The following SELP variants were observed in gnomAD, a reference collection of about 807,000 sequenced individuals.
SELP encodes selectin P.
Under a neutral mutation model 104.1 loss-of-function variants are expected in SELP, and 92 were observed. That is an observed-to-expected ratio of 0.88 (90% CI 0.75 to 1.05). The LOEUF (loss-of-function observed/expected upper bound fraction) is 1.05, where lower values mean the gene tolerates loss of function less well. SELP is among the 50% of genes least tolerant of loss of function. The probability of loss-of-function intolerance (pLI) is 0.00; values close to 1 mark genes in which losing one functional copy is unlikely to be tolerated. For synonymous variants in SELP, 397 were observed against 364.5 expected (o/e 1.09, Z -1.01); for missense variants, 1,022 against 1,017.3 (o/e 1.00, Z -0.06).
chr1:169,595,141 A>G (rs1028186919), intron 12 of SELP, among the ~76,000 whole-genome samples: 1 of 152,212 alleles, frequency 6.6e-6, no homozygotes, highest in African/African-American at 2.4e-5. Context: ...GCATTGATAA[A>G]TCTTGCCTCC....
At position 169,593,656 on chromosome 1, in the gene SELP, T is replaced by C. The variant is rs369185526; in HGVS notation, c.2356A>G (p.Ile786Val). The C allele has an allele frequency of 6.2e-7, 1 of 1,613,554 alleles. No homozygotes were observed. The change falls in exon 14 of 17, where the codon ATA becomes GTA. Residue 786 changes from isoleucine to valine, a missense_variant. Transcript: ENST00000263686. ...GGAVASTIGL[I>V]MGGTLLALLR... ...AAAGCCAGGAGCGTCCCACCCATTATCAGACCTATCGTAGAAGCCACCGCT... is the reference window on the plus strand; with the variant it reads ...AAAGCCAGGAGCGTCCCACCCATTACCAGACCTATCGTAGAAGCCACCGCT...
intron 14 of SELP, 62 bp downstream of exon 14, chr1:169,593,543 A>G: frequency 1.1e-5 from 17 of 1,517,764 alleles, no homozygotes; most frequent in Non-Finnish European, 1.5e-5. Context: ...CCTAAATTAC[A>G]TAAATCAATT....
intron 12 of SELP, 61 bp from the exon 13 acceptor site, chr1:169,594,938 G>A: frequency 6.9e-7 from 1 of 1,459,474 alleles, no homozygotes; most frequent in African/African-American, 1.4e-5. Flanking sequence ...AGAGATTATA[G>A]TTTCTTTTGT....
At chr1:169,628,996 G>A (rs1313001052) in intron 1 of SELP, among the ~76,000 whole-genome samples, 1 of 152,116 alleles carries the variant, frequency 6.6e-6, no homozygotes, top group Non-Finnish European at 1.5e-5. Flanking sequence ...AGGTGTATGC[G>A]GTACTTTTTT....
At chr1:169,616,906 AC>A (rs1282959214) in intron 3 of SELP, 121 bp downstream of exon 3, 1 of 1,035,622 alleles carries the variant, frequency 9.7e-7, no homozygotes, top group East Asian at 2.4e-5. Context: ...CTAACAATTT[AC>A]CCCTTGATTT....
chr1:169,630,028 C>G (rs1379883669), intron 1 of SELP, 44 bp downstream of exon 1: 1 of 1,613,874 alleles, frequency 6.2e-7, no homozygotes. Flanking sequence ...CATACCACTC[C>G]AACTCACTTC....
chr1:169,593,981 G>A (rs1025068467), intron 13 of SELP, among the ~76,000 whole-genome samples: 16 of 152,214 alleles, frequency 1.1e-4, no homozygotes, highest in Middle Eastern at 3.4e-3. Context: ...ATCAGGGTGA[G>A]GACCCAATAA....
intron 3 of SELP, among the ~76,000 whole-genome samples, chr1:169,616,302 T>TA (rs1298215992): frequency 6.6e-6 from 1 of 152,180 alleles, no homozygotes; most frequent in Non-Finnish European, 1.5e-5. Flanking sequence ...AATTGTCTCA[T>TA]AAAAATGTAG....
chr1:169,626,895 C>T (rs1414248918), intron 1 of SELP, among the ~76,000 whole-genome samples: 4 of 152,146 alleles, frequency 2.6e-5, no homozygotes, highest in Non-Finnish European at 5.9e-5. Context: ...CTATATTGCC[C>T]AGGCTGGCCT....
intron 1 of SELP, 106 bp downstream of exon 1, chr1:169,629,966 A>G (rs1557979978): frequency 7.0e-7 from 1 of 1,432,256 alleles, no homozygotes; most frequent in Middle Eastern, 1.7e-4. Flanking sequence ...ATAAAACTCC[A>G]TGGCTATCGC....
At chr1:169,600,772 G>T (rs570798417) in intron 10 of SELP, among the ~76,000 whole-genome samples, 33 of 152,304 alleles carry the variant, frequency 2.2e-4, no homozygotes, top group African/African-American at 7.9e-4. Context: ...AAAATAAGAG[G>T]AACCATTTGC....
chr1:169,603,854 T>C (rs1330985087), intron 9 of SELP, among the ~76,000 whole-genome samples: 1 of 152,238 alleles, frequency 6.6e-6, no homozygotes, highest in African/African-American at 2.4e-5. Context: ...CCATCATTGT[T>C]GGACATTTGG....
chr1:169,623,329 A>G (rs573797480), intron 1 of SELP, among the ~76,000 whole-genome samples: 26 of 151,782 alleles, frequency 1.7e-4, no homozygotes, highest in Admixed American at 1.6e-3. Context: ...GTGTAGGGCG[A>G]AGGAGTCGGT....
Position 169,619,142 on chromosome 1 carries a change from A to G in SELP, c.81T>C (p.Ser27=). The part of the protein sequence containing the change: ...VFGISQLLCF[S]ALISELTNQK... ...CATAAAGTTTACCAGAGATCAGGGC[A>G]CTGAAGCAAAGGAGTTGGGAAATTC... The change falls in exon 2 of 17, where the codon AGT becomes AGC. Residue 27 remains serine (S), a synonymous_variant. Coordinates refer to ENST00000263686, the MANE Select transcript of SELP (RefSeq NM_003005.4). 1 of 1,613,500 alleles carries G rather than the reference A, an allele frequency of 6.2e-7. No individual in the cohort carries two copies. The highest frequency in any genetic ancestry group is 8.5e-7 in the Non-Finnish European group (1 of 1,179,434).
At chr1:169,590,272 G>C in intron 15 of SELP, 70 bp from the exon 16 acceptor site, 3 of 1,135,930 alleles carry the variant, frequency 2.6e-6, no homozygotes, top group Non-Finnish European at 3.9e-6. Flanking sequence ...CCAACACATA[G>C]TATTTCCAGA....
chr1:169,623,968 C>T (rs1040527750), intron 1 of SELP, among the ~76,000 whole-genome samples: 6 of 152,132 alleles, frequency 3.9e-5, no homozygotes, highest in African/African-American at 1.4e-4. Flanking sequence ...CTGATAAAAG[C>T]CGTGGTCAGA....
intron 14 of SELP, among the ~76,000 whole-genome samples, chr1:169,592,604 C>T (rs185490256): frequency 1.3e-5 from 2 of 152,270 alleles, no homozygotes; most frequent in East Asian, 1.9e-4. Flanking sequence ...ATGTTTTAAA[C>T]CTTAAGAGAT....
At chr1:169,606,657 G>A (rs921467567) in intron 9 of SELP, among the ~76,000 whole-genome samples, 1 of 152,124 alleles carries the variant, frequency 6.6e-6, no homozygotes, top group East Asian at 1.9e-4. Flanking sequence ...GAGTTTACCT[G>A]GTTTGTGGCA....
At chr1:169,624,698 G>C (rs1241094557) in intron 1 of SELP, among the ~76,000 whole-genome samples, 2 of 152,148 alleles carry the variant, frequency 1.3e-5, no homozygotes, top group East Asian at 3.9e-4. Context: ...GCAGTGAGCC[G>C]AGACACTCCA....
Sources: allele counts gnomAD v4.1 joint callset (sites outside exome capture counted in the v4.1 genomes callset), GRCh38; gene constraint gnomAD v4.1.1; transcripts MANE v1.5; gene names NCBI Gene and HGNC (gene_info 2026-07-23, HGNC 2026-07-21).